The following SERPINE3 variants were observed in gnomAD, a reference collection of about 807,000 sequenced individuals.
SERPINE3 encodes serpin E3.
A neutral mutation model predicts 41.7 loss-of-function variants in SERPINE3; 43 were observed. The observed-to-expected ratio is 1.03, with a 90% CI of 0.81 to 1.33. The LOEUF is 1.33. Ranked by LOEUF, SERPINE3 falls within the 40% of genes most tolerant of loss-of-function variation. The pLI is 0.00. For synonymous variants in SERPINE3, 200 were observed against 192.2 expected, an observed-to-expected ratio of 1.04 and a Z score of -0.34; for missense variants, 440 against 491.7, an observed-to-expected ratio of 0.89 and a Z score of 0.99.
chr13:51,349,754 G>GAAGGC (rs1328621894), intron 6 of SERPINE3, among the ~76,000 whole-genome samples: 1 of 152,186 alleles, frequency 6.6e-6, no homozygotes, highest in East Asian at 1.9e-4. Context: ...GGCAGGCAGG[G>GAAGGC]AAGGCAAGGC....
intron 3 of SERPINE3, among the ~76,000 whole-genome samples, chr13:51,343,746 C>T (rs779646148): frequency 1.3e-5 from 2 of 152,308 alleles, no homozygotes; most frequent in South Asian, 2.1e-4. Context: ...GCTCATGACA[C>T]GCAGTTGTGG....
At chr13:51,361,748 C>G in intron 8 of SERPINE3, 62 bp from the exon 9 acceptor site, 1 of 1,408,692 alleles carries the variant, frequency 7.1e-7, no homozygotes, top group East Asian at 2.3e-5. Flanking sequence ...ACTTCATAAC[C>G]AATAGTTATT....
At chr13:51,343,019 T>G (rs1253816998) in intron 3 of SERPINE3, among the ~76,000 whole-genome samples, 1 of 152,098 alleles carries the variant, frequency 6.6e-6, no homozygotes, top group Non-Finnish European at 1.5e-5. Context: ...GCAGCCTCGT[T>G]TGGCTGGGGA....
Position 51,364,263 on chromosome 13 carries a change from T to C in SERPINE3, c.1196T>C (p.Val399Ala). Residue 399 changes from valine to alanine, a missense_variant, in exon 10 of 10, where the codon GTT becomes GCT. Coordinates refer to ENST00000681248, the MANE Select transcript of SERPINE3 (RefSeq NM_001386375.1). The part of the protein sequence containing the change: ...NTGFVFSIGR[V>A]SNPLD Reference sequence around the variant, plus strand: ...GGGTTTGTCTTCAGTATTGGGAGAGTTTCAAATCCCCTAGACTAAATGCAT... The same window carrying C: ...GGGTTTGTCTTCAGTATTGGGAGAGCTTCAAATCCCCTAGACTAAATGCAT... 6.8e-7 allele frequency: 1 copy of C among 1,477,296 alleles called. No homozygotes were observed. Among genetic ancestry groups the C allele is most frequent in the South Asian group, 1.2e-5 (1 of 80,100 alleles). 91.5% of individuals were successfully genotyped at this position (1,477,296 alleles called of 1,614,324 possible). A position where few individuals can be genotyped will look rare whatever the true frequency, so the allele number is the denominator to read the frequency against.
At position 51,361,192 on chromosome 13, in the gene SERPINE3, G is replaced by T. The variant is rs139464731; in HGVS notation, c.1001-86G>T. 956 of 874,448 alleles carry T rather than the reference G, an allele frequency of 1.1e-3. 11 individuals are homozygous for T. In the East Asian group the frequency reaches 0.022, roughly 20 times the overall value. The allele number at this position is 874,448 out of a possible 1,614,324, so 54.2% of individuals were successfully genotyped here. ...AGCAGCATTGGATACTATAAATTTT[G>T]TAAGTACATTTTTAAAGAATGTGTT... is the stretch of plus-strand genomic sequence containing the variant. On this transcript the variant is annotated intron_variant, in intron 7 of 9. Transcript: ENST00000681248.
chr13:51,362,137 A>T (rs1955590772), intron 9 of SERPINE3: 12 of 1,026,588 alleles, frequency 1.2e-5, no homozygotes, highest in South Asian at 7.7e-5. Flanking sequence ...GTTAATGTAG[A>T]TTTTTTTTTT....
intron 6 of SERPINE3, chr13:51,353,980 T>C (rs1308596895): frequency 6.6e-6 from 1 of 152,208 alleles, no homozygotes; most frequent in Non-Finnish European, 1.5e-5. Context: ...ATTGGTGTAG[T>C]GATTCTTTGT....
In SERPINE3 at chr13:51,361,296, T is replaced by C. The variant is rs759010304; in HGVS notation, c.1019T>C (p.Val340Ala). 1.9e-6 allele frequency: 3 copies of C among 1,609,476 alleles called. No homozygotes were observed. Among genetic ancestry groups the C allele is most frequent in the South Asian group, 2.2e-5 (2 of 90,448 alleles). Residue 340 changes from valine to alanine, a missense_variant, in exon 8 of 10, where the codon GTT becomes GCT. Physicochemically the swap from Val to Ala is moderately conservative, Grantham distance 64. Coordinates refer to ENST00000681248, the MANE Select transcript of SERPINE3 (RefSeq NM_001386375.1). ...KGISGQDGFY[V>A]SEAIHKAKIE... ...TGGTTAGGCCAAGATGGCTTTTATG[T>C]TTCTGAAGCAATCCACAAGGCCAAG...
intron 1 of SERPINE3, 101 bp downstream of exon 1, chr13:51,339,844 T>C (rs1304287872): frequency 6.6e-6 from 1 of 151,602 alleles, no homozygotes; most frequent in Non-Finnish European, 1.5e-5. Flanking sequence ...TTGTGGGAGA[T>C]GGGAGGTTAT....
chr13:51,350,726 CACT>C (rs1955395859), intron 6 of SERPINE3, among the ~76,000 whole-genome samples: 2 of 152,142 alleles, frequency 1.3e-5, no homozygotes, highest in Admixed American at 6.5e-5. Flanking sequence ...GTGCAACCAT[CACT>C]ACTAATTCCA....
intron 1 of SERPINE3, among the ~76,000 whole-genome samples, chr13:51,340,075 G>A (rs903958169): frequency 2.0e-5 from 3 of 152,176 alleles, no homozygotes; most frequent in Non-Finnish European, 4.4e-5. Flanking sequence ...CGTGCTCAGT[G>A]GCCTTGCTTG....
chr13:51,354,079 T>G (rs1168064762), intron 6 of SERPINE3: 1 of 152,184 alleles, frequency 6.6e-6, no homozygotes, highest in South Asian at 2.1e-4. Context: ...ACAGCAAATA[T>G]GAAAATATAT....
chr13:51,362,840 C>T (rs545913883), intron 9 of SERPINE3: 56 of 152,462 alleles, frequency 3.7e-4, no homozygotes, highest in African/African-American at 1.2e-3. Flanking sequence ...ATTTTTGTGA[C>T]GAGAAAGATA....
At chr13:51,363,111 T>C (rs1338907313) in intron 9 of SERPINE3, 8 of 151,916 alleles carry the variant, frequency 5.3e-5, no homozygotes, top group African/African-American at 9.7e-5. Context: ...AGAAAGGTCA[T>C]TGCCAAAAGC....
intron 7 of SERPINE3, among the ~76,000 whole-genome samples, chr13:51,356,565 G>C (rs573180262): frequency 6.6e-6 from 1 of 152,064 alleles, no homozygotes; most frequent in South Asian, 2.1e-4. Flanking sequence ...TGAATCACTA[G>C]GGCTTACTGA....
intron 6 of SERPINE3, among the ~76,000 whole-genome samples, chr13:51,352,470 G>C (rs1955414325): frequency 6.6e-6 from 1 of 151,272 alleles, no homozygotes; most frequent in African/African-American, 2.4e-5. Flanking sequence ...AGCTCTGATA[G>C]GTTTTTTTTT....
chr13:51,362,285 C>T (rs1479723584), intron 9 of SERPINE3: 2 of 293,746 alleles, frequency 6.8e-6, no homozygotes, highest in Admixed American at 1.0e-4. Context: ...TAGAGTACAC[C>T]AGAGTAGTCC....
chr13:51,354,998 TTGAG>T (rs1955457798), intron 6 of SERPINE3, 41 bp from the exon 7 acceptor site: 1 of 961,954 alleles, frequency 1.0e-6, no homozygotes, highest in Non-Finnish European at 1.6e-6. Context: ...TGAAAGTATA[TTGAG>T]TGAGAATTTT....
chr13:51,364,542 GGTGA>G lies in SERPINE3; in HGVS notation c.*267_*270del, dbSNP rs1368369948. On this transcript the variant is annotated 3_prime_UTR_variant, in exon 10 of 10. Transcript: ENST00000681248. ...AAAAGGCACAGCAGTGATCATGAATGGTGAGTGAGTCAGGCCATAAGATTGCTTC... is the reference window on the plus strand; with the variant it reads ...AAAAGGCACAGCAGTGATCATGAATGGTGAGTCAGGCCATAAGATTGCTTC... 1.2e-5 allele frequency: 4 copies of G among 344,366 alleles called. No individual in the cohort carries two copies. The highest frequency in any genetic ancestry group is 6.5e-5 in the South Asian group (1 of 15,334). 21.3% of individuals were successfully genotyped at this position (344,366 alleles called of 1,614,324 possible).
Sources: allele counts gnomAD v4.1 joint callset (sites outside exome capture counted in the v4.1 genomes callset), GRCh38; gene constraint gnomAD v4.1.1; transcripts MANE v1.5; gene names NCBI Gene and HGNC (gene_info 2026-07-23, HGNC 2026-07-21).